Variants in MFSD11 observed in about 807,000 individuals in gnomAD.
The protein encoded by MFSD11 is UNC93-like protein MFSD11.
A neutral mutation model predicts 53.5 loss-of-function variants in MFSD11; 36 were observed. The ratio of observed to expected loss-of-function variants is 0.67; its 90% CI spans 0.52 to 0.89. The LOEUF is 0.89. Among genes scored for constraint, MFSD11 ranks in the 40% least tolerant of loss-of-function variants. The pLI is 0.00. For synonymous variants in MFSD11, 186 were observed against 184.9 expected (o/e 1.01, Z -0.05); for missense variants, 530 against 543.9 (o/e 0.97, Z 0.25).
the MFSD11 span, among the ~76,000 whole-genome samples, chr17:76,787,418 T>G: frequency 6.7e-6 from 1 of 150,244 alleles, no homozygotes; most frequent in Non-Finnish European, 1.5e-5. Context: ...ATTACAGGCA[T>G]GAGCCACCGC....
In MFSD11 at chr17:76,744,428, AGAT is replaced by A; in HGVS notation, c.606_608del (p.Asp202del). 1 of 1,614,066 alleles carries A rather than the reference AGAT, an allele frequency of 6.2e-7. No homozygotes were observed. On this transcript the variant is annotated inframe_deletion, in exon 7 of 13. Transcript: ENST00000685175. ...CAGATTCTGAAAATGTCCTAGGAGA[AGAT>A]GAGTCTTCTGATGACCAGGACATGG...
the MFSD11 span, among the ~76,000 whole-genome samples, chr17:76,797,023 G>T: frequency 6.6e-6 from 1 of 152,086 alleles, no homozygotes; most frequent in East Asian, 1.9e-4. Context: ...CAAAAAATTA[G>T]CCAGCTGTGG....
intron 7 of MFSD11, among the ~76,000 whole-genome samples, chr17:76,748,815 T>A (rs1327624112): frequency 6.6e-6 from 1 of 152,134 alleles, no homozygotes; most frequent in Non-Finnish European, 1.5e-5. Context: ...CTCCCTGTAT[T>A]CTTTCCTTCC....
chr17:76,741,976 A>G lies in MFSD11; in HGVS notation c.268A>G (p.Ile90Val), dbSNP rs772232430. Residue 90 changes from isoleucine to valine, a missense_variant, in exon 4 of 13, where the codon ATT becomes GTT. Ile to Val is a conservative substitution (Grantham distance 29, BLOSUM62 3). Coordinates refer to ENST00000685175, the MANE Select transcript of MFSD11 (RefSeq NM_001242532.5). ...FASGLFYSMY[I>V]AVFIQPFPWS... is the part of the protein sequence containing the mutation. Reference sequence around the variant, plus strand: ...TGACCTGTTATATTTTAGCATGTACATTGCCGTTTTCATCCAGCCTTTCCC... The same window carrying G: ...TGACCTGTTATATTTTAGCATGTACGTTGCCGTTTTCATCCAGCCTTTCCC... 5 of 1,614,104 alleles carry G rather than the reference A, an allele frequency of 3.1e-6. No homozygotes were observed. Among genetic ancestry groups the G allele is most frequent in the South Asian group, 1.1e-5 (1 of 91,080 alleles).
downstream of MFSD11, among the ~76,000 whole-genome samples, chr17:76,780,455 G>C (rs2082132170): frequency 6.6e-6 from 1 of 150,924 alleles, no homozygotes; most frequent in African/African-American, 2.4e-5. Context: ...TTACAAACAA[G>C]AGCCACCGTG....
At chr17:76,758,965 T>C (rs2079923082) in intron 8 of MFSD11, among the ~76,000 whole-genome samples, 2 of 151,992 alleles carry the variant, frequency 1.3e-5, no homozygotes, top group Non-Finnish European at 2.9e-5. Context: ...AAATTTTGAG[T>C]CAGGCACAGT....
Position 76,740,986 on chromosome 17 carries a change from C to T in MFSD11, c.182C>T (p.Ala61Val). 8 of 1,608,508 alleles carry T rather than the reference C, an allele frequency of 5.0e-6. No homozygotes were observed. The highest frequency in any genetic ancestry group is 6.8e-6 in the Non-Finnish European group (8 of 1,177,718). Reference sequence around the variant, plus strand: ...GCTATTATCTATGGAGTGTTCTCTGCTTCAAATTTGATTACACCGTCAGTG... The same window carrying T: ...GCTATTATCTATGGAGTGTTCTCTGTTTCAAATTTGATTACACCGTCAGTG... ...SMAIIYGVFS[A>V]SNLITPSVVA... The change falls in exon 3 of 13, where the codon GCT (alanine) becomes GTT (valine). Residue 61 changes from alanine (A) to valine (V), a missense_variant. Transcript: ENST00000685175.
At chr17:76,739,728 C>CA (rs752114985) in intron 2 of MFSD11, among the ~76,000 whole-genome samples, 8 of 152,162 alleles carry the variant, frequency 5.3e-5, no homozygotes, top group Non-Finnish European at 1.2e-4. Flanking sequence ...CCCCGCCCCC[C>CA]ACAAACCCAT....
At chr17:76,783,152 C>CAAA (rs753696509), downstream of MFSD11, among the ~76,000 whole-genome samples, 2,290 of 109,474 alleles carry the variant, frequency 0.021, 73 homozygotes, top group African/African-American at 0.066. Flanking sequence ...ACTCCAGCTC[C>CAAA]AAAAAAAAAA....
chr17:76,737,051 T>C, upstream of MFSD11: 1 of 1,613,294 alleles, frequency 6.2e-7, no homozygotes, highest in East Asian at 2.2e-5. Context: ...GACGCGCCCG[T>C]ACTTCTCGAA....
At chr17:76,738,884 G>T in intron 1 of MFSD11, 54 bp from the exon 2 acceptor site, 1 of 1,399,446 alleles carries the variant, frequency 7.1e-7, no homozygotes, top group South Asian at 1.2e-5. Context: ...ACTTCCCAAG[G>T]GTGGGAGGGA....
upstream of MFSD11, chr17:76,737,750 A>G (rs1265292236): frequency 1.2e-5 from 2 of 160,676 alleles, no homozygotes; most frequent in East Asian, 3.1e-4. Context: ...TCTCCCTGTG[A>G]CCCCGGCCCC....
rs1352268940 is a variant in MFSD11, at chr17:76,754,045, A to T, written c.642-2A>T. 2 of 1,605,876 alleles carry T rather than the reference A, an allele frequency of 1.2e-6. No individual in the cohort carries two copies. Among genetic ancestry groups the T allele is most frequent in the Admixed American group, 1.7e-5 (1 of 58,520 alleles). ...CTTATTTTTTACATTTTATTTTCTC[A>T]GGTCTGCCCAGAACAATCTGACAAA... On this transcript the variant is annotated splice_acceptor_variant, in intron 7 of 12. Coordinates refer to ENST00000685175, the MANE Select transcript of MFSD11 (RefSeq NM_001242532.5). LOFTEE classifies it high-confidence loss of function.
chr17:76,782,128 C>A (rs1359789753), downstream of MFSD11, among the ~76,000 whole-genome samples: 1 of 149,194 alleles, frequency 6.7e-6, no homozygotes, highest in Admixed American at 6.7e-5. Flanking sequence ...TTTTTCTCCC[C>A]CGCCCCCGGC....
chr17:76,790,672 ACT>A, the MFSD11 span, among the ~76,000 whole-genome samples: 1 of 145,328 alleles, frequency 6.9e-6, no homozygotes, highest in Non-Finnish European at 1.5e-5. Flanking sequence ...AAATAGTCTA[ACT>A]CGGCCGGGCG....
In MFSD11 at chr17:76,752,077, G is replaced by T. The variant is rs76815327; in HGVS notation, c.642-1970G>T. Among the ~76,000 whole-genome samples, 1,092 of 152,280 alleles carry T rather than the reference G, an allele frequency of 7.2e-3. 3 individuals are homozygous for T. Among genetic ancestry groups the T allele is most frequent in the East Asian group, 0.016 (83 of 5,186 alleles). ...AAAGGAATCATAGAAGGAAATGTCT[G>T]CTTTGTGAAAATTGCAGATTAATGA... On this transcript the variant is annotated intron_variant, in intron 7 of 12. Transcript: ENST00000685175.
the MFSD11 span, among the ~76,000 whole-genome samples, chr17:76,793,205 G>A: frequency 9.3e-5 from 14 of 151,284 alleles, no homozygotes; most frequent in Admixed American, 3.3e-4. Context: ...GAATTTCCTC[G>A]TCCTAATAAG....
At chr17:76,764,543 G>A (rs1365049910) in intron 8 of MFSD11, among the ~76,000 whole-genome samples, 3 of 152,188 alleles carry the variant, frequency 2.0e-5, no homozygotes, top group African/African-American at 7.2e-5. Flanking sequence ...TTAGCGTAAT[G>A]CTCTTCAGGT....
intron 7 of MFSD11, among the ~76,000 whole-genome samples, chr17:76,747,575 C>T (rs551417825): frequency 6.6e-6 from 1 of 152,188 alleles, no homozygotes; most frequent in East Asian, 1.9e-4. Context: ...CCTCGTGATC[C>T]ACCCGCCTTG....
Sources: gnomAD v4.1 joint callset for allele counts (sites outside exome capture counted in the v4.1 genomes callset) on GRCh38, gnomAD v4.1.1 for gene constraint, MANE v1.5 for transcripts, NCBI Gene and HGNC (gene_info 2026-07-23, HGNC 2026-07-21) for gene names.